CPED1: variants seen among roughly 807,000 people sequenced by gnomAD.
The protein encoded by CPED1 is cadherin like and PC-esterase domain containing 1.
A neutral mutation model predicts 128.2 loss-of-function variants in CPED1; 114 were observed. The observed-to-expected ratio is 0.89, with a 90% CI of 0.76 to 1.04. The LOEUF (loss-of-function observed/expected upper bound fraction) is 1.04. Ranked by LOEUF, CPED1 falls within the 50% of genes least tolerant of loss-of-function variation. The pLI is 0.00. For missense variants in CPED1, 1,211 were observed against 1,207.1 expected, an observed-to-expected ratio of 1.00 and a Z score of -0.05; for synonymous variants, 462 against 426.7, an observed-to-expected ratio of 1.08 and a Z score of -1.02.
intron 16 of CPED1, among the ~76,000 whole-genome samples, chr7:121,166,677 G>T (rs891262393): frequency 1.3e-5 from 2 of 152,012 alleles, no homozygotes; most frequent in Admixed American, 6.6e-5. Flanking sequence ...AATTATTTTG[G>T]TTCTTCTTCT....
At chr7:120,995,872 CTCTTCTTCT>C (rs374861407) in intron 2 of CPED1, among the ~76,000 whole-genome samples, 29 of 151,104 alleles carry the variant, frequency 1.9e-4, no homozygotes, top group African/African-American at 4.6e-4. Context: ...ATTCTTCTTC[CTCTTCTTCT>C]TCTTCTTCTT....
intron 16 of CPED1, among the ~76,000 whole-genome samples, chr7:121,194,016 CTCTCTCTATATATA>C (rs1202004823): frequency 2.8e-5 from 2 of 70,842 alleles, no homozygotes; most frequent in Non-Finnish European, 5.8e-5. Context: ...CTCTCTCTCT[CTCTCTCTATATATA>C]TATATATATA....
chr7:121,249,967 G>A (rs562116325), intron 18 of CPED1, among the ~76,000 whole-genome samples: 210 of 152,150 alleles, frequency 1.4e-3, no homozygotes, highest in Middle Eastern at 6.8e-3. Context: ...TGCACCAAGC[G>A]GAACTAATAG....
chr7:121,172,516 AAT>A (rs1796670039), intron 16 of CPED1, among the ~76,000 whole-genome samples: 1 of 152,118 alleles, frequency 6.6e-6, no homozygotes, highest in African/African-American at 2.4e-5. Context: ...ATTTAAATAA[AAT>A]ATGTTTAAAA....
chr7:121,185,889 T>C (rs1015270175), intron 16 of CPED1, among the ~76,000 whole-genome samples: 8 of 152,182 alleles, frequency 5.3e-5, no homozygotes, highest in Non-Finnish European at 1.2e-4. Context: ...GGAAGCAACG[T>C]GCTGGGAAGA....
At position 121,255,244 on chromosome 7, in the gene CPED1, G is replaced by C. The variant is rs140778451; in HGVS notation, c.2310+10906G>C. Among the ~76,000 whole-genome samples, 780 of 152,136 alleles carry C rather than the reference G, an allele frequency of 5.1e-3. 9 individuals carry two copies. Among genetic ancestry groups the C allele is most frequent in the African/African-American group, 0.017 (718 of 41,554 alleles). ...GTAGGCATTATTCCTGGGATGGAAGGCTGATTCAATGTATGCAAATCAGTA... is the reference window on the plus strand; with the variant it reads ...GTAGGCATTATTCCTGGGATGGAAGCCTGATTCAATGTATGCAAATCAGTA... On this transcript the variant is annotated intron_variant, in intron 18 of 22. Transcript: ENST00000310396.
intron 7 of CPED1, among the ~76,000 whole-genome samples, chr7:121,101,671 A>T (rs934743521): frequency 6.6e-6 from 1 of 152,012 alleles, no homozygotes; most frequent in Non-Finnish European, 1.5e-5. Flanking sequence ...CTGTACAAGT[A>T]TGGAACCAGC....
intron 16 of CPED1, among the ~76,000 whole-genome samples, chr7:121,183,048 T>C (rs562562162): frequency 7.9e-5 from 12 of 152,074 alleles, no homozygotes; most frequent in South Asian, 4.2e-4. Context: ...AATGTATGAA[T>C]CATCCAAGAA....
chr7:121,065,441 A>G lies in CPED1; in HGVS notation c.616+1128A>G, dbSNP rs150886716. Among the ~76,000 whole-genome samples, 1,381 of 152,258 alleles carry G rather than the reference A, an allele frequency of 9.1e-3. 75 individuals are homozygous for G. Among genetic ancestry groups the G allele is most frequent in the Admixed American group, 0.08 (1,229 of 15,276 alleles). Reference sequence around the variant, plus strand: ...AAATAAAATAATTATTTTCGTTAATACAATATTAAAATATCCAGAAATTCT... The same window carrying G: ...AAATAAAATAATTATTTTCGTTAATGCAATATTAAAATATCCAGAAATTCT... On this transcript the variant is annotated intron_variant, in intron 5 of 22. Coordinates refer to ENST00000310396, the MANE Select transcript of CPED1 (RefSeq NM_024913.5).
intron 22 of CPED1, among the ~76,000 whole-genome samples, chr7:121,279,324 G>A (rs926622713): frequency 6.6e-6 from 1 of 151,758 alleles, no homozygotes; most frequent in South Asian, 2.1e-4. Context: ...TAAGGATAAG[G>A]TCTAAAAAAT....
Position 121,289,593 on chromosome 7 carries a change from A to G in CPED1, c.2869-5847A>G, listed in dbSNP as rs74709538. On this transcript the variant is annotated intron_variant, in intron 22 of 22. Coordinates refer to ENST00000310396, the MANE Select transcript of CPED1 (RefSeq NM_024913.5). ...TTAAAAAATACTCAATTTTGTTTATATGGAACTGTTTTCATTGCACTACCT... is the reference window on the plus strand; with the variant it reads ...TTAAAAAATACTCAATTTTGTTTATGTGGAACTGTTTTCATTGCACTACCT... Among the ~76,000 whole-genome samples, 1,396 of 152,224 alleles carry G rather than the reference A, an allele frequency of 9.2e-3. 23 individuals are homozygous for G. The highest frequency in any genetic ancestry group is 0.031 in the African/African-American group (1,284 of 41,542).
chr7:121,209,155 A>G (rs963055428), intron 16 of CPED1, among the ~76,000 whole-genome samples: 5 of 151,976 alleles, frequency 3.3e-5, no homozygotes, highest in South Asian at 2.1e-4. Flanking sequence ...GCTCTGTGGT[A>G]TTTTCTTTTT....
At chr7:121,083,860 A>G (rs1794354196) in intron 5 of CPED1, 1 of 152,118 alleles carries the variant, frequency 6.6e-6, no homozygotes, top group South Asian at 2.1e-4. Flanking sequence ...GATGATCAGG[A>G]CTCTGTCTCC....
At chr7:121,279,258 A>AT (rs111364982) in intron 22 of CPED1, among the ~76,000 whole-genome samples, 2 of 151,366 alleles carry the variant, frequency 1.3e-5, no homozygotes, top group Admixed American at 6.6e-5. Flanking sequence ...ACTTTTCCTT[A>AT]TTTTTTTTAT....
chr7:121,256,135 A>AAAAAAAC (rs1791866109), intron 18 of CPED1, among the ~76,000 whole-genome samples: 2 of 148,882 alleles, frequency 1.3e-5, no homozygotes, highest in African/African-American at 5.0e-5. Flanking sequence ...AAAACAAAAA[A>AAAAAAAC]AAAAAACAAA....
chr7:121,109,536 C>T (rs1471533101), intron 7 of CPED1, among the ~76,000 whole-genome samples: 3 of 152,166 alleles, frequency 2.0e-5, no homozygotes, highest in African/African-American at 7.2e-5. Flanking sequence ...TATGTTTCCC[C>T]TCTACATCAG....
intron 22 of CPED1, among the ~76,000 whole-genome samples, chr7:121,294,164 C>T (rs1301904839): frequency 6.6e-6 from 1 of 151,966 alleles, no homozygotes; most frequent in Non-Finnish European, 1.5e-5. Context: ...ACTAGGACAA[C>T]GTTTGTAAAA....
chr7:121,049,208 T>C (rs1793286893), intron 4 of CPED1, among the ~76,000 whole-genome samples: 1 of 152,140 alleles, frequency 6.6e-6, no homozygotes, highest in Non-Finnish European at 1.5e-5. Flanking sequence ...AAAAAGAAAC[T>C]AAAAGGCCTA....
intron 3 of CPED1, among the ~76,000 whole-genome samples, chr7:121,029,248 G>C (rs944137264): frequency 6.6e-6 from 1 of 152,062 alleles, no homozygotes; most frequent in Non-Finnish European, 1.5e-5. Context: ...TAAAGGGTGA[G>C]AATCATTTCT....
Sources: allele counts gnomAD v4.1 joint callset (sites outside exome capture counted in the v4.1 genomes callset), GRCh38; gene constraint gnomAD v4.1.1; transcripts MANE v1.5; gene names NCBI Gene and HGNC (gene_info 2026-07-23, HGNC 2026-07-21).